The following CNTNAP2 variants were observed in gnomAD, a reference collection of about 807,000 sequenced individuals.
CNTNAP2 encodes the protein contactin-associated protein-like 2.
In CNTNAP2, 98 loss-of-function variants were observed where a neutral mutation model predicts 155.2. The ratio of observed to expected loss-of-function variants is 0.63; its 90% CI spans 0.54 to 0.75. The LOEUF is 0.75. Among genes scored for constraint, CNTNAP2 ranks in the 30% least tolerant of loss-of-function variants. CNTNAP2 has a pLI of 0.00. For synonymous variants in CNTNAP2, 651 were observed against 631.2 expected, an observed-to-expected ratio of 1.03 and a Z score of -0.47; for missense variants, 1,727 against 1,688.1, an observed-to-expected ratio of 1.02 and a Z score of -0.40.
intron 15 of CNTNAP2, among the ~76,000 whole-genome samples, chr7:148,072,515 T>A (rs1250209249): frequency 6.6e-6 from 1 of 152,216 alleles, no homozygotes; most frequent in Non-Finnish European, 1.5e-5. Context: ...AATAATTTTT[T>A]AAAAATCTCT....
chr7:146,780,298 C>A (rs920695453), intron 2 of CNTNAP2, among the ~76,000 whole-genome samples: 9 of 152,038 alleles, frequency 5.9e-5, no homozygotes, highest in Admixed American at 4.6e-4. Context: ...CCATTCTCCC[C>A]CTTCAGCCTC....
At chr7:146,995,096 TTG>T (rs1798282050) in intron 3 of CNTNAP2, among the ~76,000 whole-genome samples, 1 of 152,086 alleles carries the variant, frequency 6.6e-6, no homozygotes, top group African/African-American at 2.4e-5. Context: ...ACATTTTTCT[TTG>T]TGTGCCTAGC....
At chr7:146,178,573 G>A (rs1265795489) in intron 1 of CNTNAP2, among the ~76,000 whole-genome samples, 2 of 152,012 alleles carry the variant, frequency 1.3e-5, no homozygotes, top group Admixed American at 1.3e-4. Flanking sequence ...AGTGACCTAC[G>A]CATCCTCCAT....
At chr7:146,767,612 G>A (rs548805304) in intron 1 of CNTNAP2, among the ~76,000 whole-genome samples, 32 of 152,212 alleles carry the variant, frequency 2.1e-4, no homozygotes, top group Middle Eastern at 3.4e-3. Flanking sequence ...ATACACAAAA[G>A]CAATGTATGA....
chr7:147,833,240 A>C (rs1418235707), intron 13 of CNTNAP2, among the ~76,000 whole-genome samples: 1 of 152,086 alleles, frequency 6.6e-6, no homozygotes, highest in Non-Finnish European at 1.5e-5. Context: ...CTACAGAGGC[A>C]TGAAACAATA....
intron 8 of CNTNAP2, among the ~76,000 whole-genome samples, chr7:147,172,681 A>G (rs949967699): frequency 6.6e-5 from 10 of 152,136 alleles, no homozygotes; most frequent in African/African-American, 2.4e-4. Context: ...AGCCATCAAG[A>G]TTTTTCAGTT....
In CNTNAP2 at chr7:146,572,181, G is replaced by A. The variant is rs80161634; in HGVS notation, c.98-202090G>A. Among the ~76,000 whole-genome samples the A allele has an allele frequency of 8.1e-3, 1,236 of 151,984 alleles. 43 individuals carry two copies. The highest frequency in any genetic ancestry group is 0.055 in the Admixed American group (844 of 15,264). On this transcript the variant is annotated intron_variant, in intron 1 of 23. Coordinates refer to ENST00000361727, the MANE Select transcript of CNTNAP2 (RefSeq NM_014141.6). ...TTTATGAAAAGTCAAAAAGTCCAGA[G>A]GATTATTTAGTCTAGACCTCTTAAC...
chr7:146,554,544 TCTC>T (rs1420206475), intron 1 of CNTNAP2, among the ~76,000 whole-genome samples: 3 of 152,198 alleles, frequency 2.0e-5, no homozygotes, highest in Non-Finnish European at 2.9e-5. Flanking sequence ...TTTTCTGAAA[TCTC>T]CTCTATTCTC....
chr7:147,111,827 T>C (rs1426966430), intron 5 of CNTNAP2, among the ~76,000 whole-genome samples: 1 of 152,170 alleles, frequency 6.6e-6, no homozygotes, highest in Non-Finnish European at 1.5e-5. Flanking sequence ...TCTTTTTTCT[T>C]AGGATTGTGT....
At chr7:146,851,281 G>A (rs1794873028) in intron 3 of CNTNAP2, among the ~76,000 whole-genome samples, 1 of 152,086 alleles carries the variant, frequency 6.6e-6, no homozygotes, top group South Asian at 2.1e-4. Flanking sequence ...CACGGCACCT[G>A]GGCTTTTTTC....
chr7:146,298,618 G>A (rs1800553493), intron 1 of CNTNAP2, among the ~76,000 whole-genome samples: 1 of 152,208 alleles, frequency 6.6e-6, no homozygotes, highest in African/African-American at 2.4e-5. Flanking sequence ...TTGTTTGGTT[G>A]TTCCCTATCT....
chr7:147,393,164 C>T (rs1056047538), intron 9 of CNTNAP2, among the ~76,000 whole-genome samples: 1 of 151,928 alleles, frequency 6.6e-6, no homozygotes, highest in Admixed American at 6.6e-5. Flanking sequence ...TAACGATGTC[C>T]ATCTTGGAAT....
At chr7:147,418,043 A>C (rs568997876) in intron 10 of CNTNAP2, among the ~76,000 whole-genome samples, 12 of 152,232 alleles carry the variant, frequency 7.9e-5, no homozygotes, top group Non-Finnish European at 1.8e-4. Flanking sequence ...AAAGTCATTT[A>C]TAACTACATA....
chr7:146,621,028 A>G (rs921490096), intron 1 of CNTNAP2, among the ~76,000 whole-genome samples: 1 of 152,130 alleles, frequency 6.6e-6, no homozygotes, highest in Admixed American at 6.6e-5. Context: ...ATTTAGCTAC[A>G]TTGAACCGGG....
At chr7:146,486,046 CTTTTTTTTTTTTTTTTTT>C (rs71175651) in intron 1 of CNTNAP2, among the ~76,000 whole-genome samples, 9 of 42,604 alleles carry the variant, frequency 2.1e-4, no homozygotes, top group Middle Eastern at 0.024. Context: ...CCACAGCAGT[CTTTTTTTTTTTTTTTTTT>C]TTTTTTTTTT....
intron 3 of CNTNAP2, among the ~76,000 whole-genome samples, chr7:146,953,594 A>C (rs539367864): frequency 1.2e-4 from 19 of 152,006 alleles, no homozygotes; most frequent in African/African-American, 4.3e-4. Flanking sequence ...TACCTCTTGC[A>C]TCATATATAA....
At chr7:146,889,345 C>G (rs1168571823) in intron 3 of CNTNAP2, among the ~76,000 whole-genome samples, 1 of 152,034 alleles carries the variant, frequency 6.6e-6, no homozygotes, top group Non-Finnish European at 1.5e-5. Context: ...TGGTAGAATA[C>G]AGCAATAGAC....
chr7:147,601,860 T>G (rs1800953299), intron 12 of CNTNAP2, among the ~76,000 whole-genome samples: 1 of 151,974 alleles, frequency 6.6e-6, no homozygotes, highest in Non-Finnish European at 1.5e-5. Flanking sequence ...TTCAATCTTT[T>G]TCTGTCTCTC....
intron 1 of CNTNAP2, among the ~76,000 whole-genome samples, chr7:146,490,213 A>G (rs991583410): frequency 6.6e-6 from 1 of 152,252 alleles, no homozygotes; most frequent in Non-Finnish European, 1.5e-5. Flanking sequence ...TTAACTCAAC[A>G]AATATTTATT....
Sources: allele counts gnomAD v4.1 joint callset (sites outside exome capture counted in the v4.1 genomes callset), GRCh38; gene constraint gnomAD v4.1.1; transcripts MANE v1.5; gene names NCBI Gene and HGNC (gene_info 2026-07-23, HGNC 2026-07-21).